Variants in CIAO2A observed in about 807,000 individuals in gnomAD.
The protein encoded by CIAO2A is MIP18 family protein FAM96A.
In CIAO2A, 17 loss-of-function variants were observed where a neutral mutation model predicts 22.4. That is an observed-to-expected ratio of 0.76 (90% CI 0.52 to 1.14). The LOEUF (loss-of-function observed/expected upper bound fraction) is 1.14. Ranked by LOEUF, CIAO2A falls within the 50% of genes most tolerant of loss-of-function variation. CIAO2A has a pLI of 0.00. For missense variants in CIAO2A, 192 were observed against 191.4 expected (o/e 1.00, Z -0.02); for synonymous variants, 74 against 72.3 (o/e 1.02, Z -0.12).
chr15:64,090,017 G>A (rs994584801), intron 1 of CIAO2A, among the ~76,000 whole-genome samples: 8 of 152,144 alleles, frequency 5.3e-5, no homozygotes, highest in African/African-American at 1.9e-4. Flanking sequence ...GTAGAACCTT[G>A]GCTGAACATT....
intron 3 of CIAO2A, among the ~76,000 whole-genome samples, chr15:64,078,355 T>G (rs575177766): frequency 6.6e-6 from 1 of 152,282 alleles, no homozygotes; most frequent in East Asian, 1.9e-4. Context: ...AGCTAGCTGG[T>G]CAGGCATGGT....
At chr15:64,084,167 C>A (rs2080776755) in intron 2 of CIAO2A, among the ~76,000 whole-genome samples, 1 of 152,024 alleles carries the variant, frequency 6.6e-6, no homozygotes, top group Non-Finnish European at 1.5e-5. Flanking sequence ...AATCATGATG[C>A]AATTTGAACT....
intron 4 of CIAO2A, 110 bp from the exon 5 acceptor site, chr15:64,073,138 AACCTGT>A (rs1463219618): frequency 1.4e-6 from 1 of 700,428 alleles, no homozygotes; most frequent in African/African-American, 1.8e-5. Flanking sequence ...TGAGAACTTA[AACCTGT>A]TTTTGGCTAA....
intron 1 of CIAO2A, among the ~76,000 whole-genome samples, chr15:64,091,982 C>A (rs188713798): frequency 1.3e-5 from 2 of 150,770 alleles, no homozygotes; most frequent in Admixed American, 6.6e-5. Context: ...ATGGCTTGAG[C>A]CCTGGAGGTG....
chr15:64,088,290 T>G (rs781070821), intron 2 of CIAO2A, among the ~76,000 whole-genome samples: 5 of 152,118 alleles, frequency 3.3e-5, no homozygotes, highest in Non-Finnish European at 5.9e-5. Flanking sequence ...CCTCCAGAAC[T>G]GAGGAAAAGC....
At chr15:64,086,798 G>A (rs1054585020) in intron 2 of CIAO2A, among the ~76,000 whole-genome samples, 1 of 147,960 alleles carries the variant, frequency 6.8e-6, no homozygotes. Context: ...ATTTTTAGTA[G>A]AGATGGGGTT....
intron 2 of CIAO2A, among the ~76,000 whole-genome samples, chr15:64,086,508 C>A (rs1480535190): frequency 2.0e-5 from 3 of 152,176 alleles, no homozygotes; most frequent in Non-Finnish European, 1.5e-5. Context: ...ACACCCCCTC[C>A]ACAACACCCA....
chr15:64,093,402 T>C (rs2080859310), intron 1 of CIAO2A, among the ~76,000 whole-genome samples: 1 of 152,172 alleles, frequency 6.6e-6, no homozygotes, highest in African/African-American at 2.4e-5. Flanking sequence ...GACCTCTGGG[T>C]TCGGCTTGCC....
chr15:64,075,741 C>G (rs1218100055), intron 3 of CIAO2A, among the ~76,000 whole-genome samples: 5 of 151,232 alleles, frequency 3.3e-5, no homozygotes, highest in Non-Finnish European at 7.4e-5. Context: ...ACCTCCGCCT[C>G]CTGGGTTCAA....
At chr15:64,081,226 G>C (rs1478481843) in intron 2 of CIAO2A, 75 bp from the exon 3 acceptor site, 1 of 1,397,876 alleles carries the variant, frequency 7.2e-7, no homozygotes, top group East Asian at 2.3e-5. Flanking sequence ...ATACAACTGC[G>C]TTTATGTGCC....
chr15:64,078,766 G>A (rs2080739314), intron 3 of CIAO2A, among the ~76,000 whole-genome samples: 1 of 152,074 alleles, frequency 6.6e-6, no homozygotes, highest in Non-Finnish European at 1.5e-5. Context: ...CACGGGGCTG[G>A]GTGCAGTGGC....
At chr15:64,075,714 G>A (rs1378630102) in intron 3 of CIAO2A, among the ~76,000 whole-genome samples, 177 bp from the exon 4 acceptor site, 1 of 149,906 alleles carries the variant, frequency 6.7e-6, no homozygotes, top group African/African-American at 2.5e-5. Context: ...GCAGTGGCAT[G>A]ATCTCGGCTC....
chr15:64,078,639 CAA>C (rs56266808), intron 3 of CIAO2A, among the ~76,000 whole-genome samples: 46,330 of 129,092 alleles, frequency 0.36, 8,101 homozygotes, highest in South Asian at 0.66. Flanking sequence ...CCATCGCAAA[CAA>C]AAAAAAAAAA....
intron 2 of CIAO2A, among the ~76,000 whole-genome samples, chr15:64,083,229 T>C (rs1028592399): frequency 6.6e-6 from 1 of 151,644 alleles, no homozygotes. Context: ...TATTACTATT[T>C]TATACTATTT....
chr15:64,079,079 A>T (rs933199788), intron 3 of CIAO2A, among the ~76,000 whole-genome samples: 1 of 152,084 alleles, frequency 6.6e-6, no homozygotes, highest in African/African-American at 2.4e-5. Flanking sequence ...CAATTCAAAA[A>T]AAGAAATAGC....
chr15:64,082,182 G>C (rs2080763251), intron 2 of CIAO2A, among the ~76,000 whole-genome samples: 1 of 152,144 alleles, frequency 6.6e-6, no homozygotes, highest in African/African-American at 2.4e-5. Flanking sequence ...ACAGGGAAAA[G>C]GATTAGATGA....
chr15:64,083,990 A>G (rs566079364), intron 2 of CIAO2A, among the ~76,000 whole-genome samples: 12 of 152,194 alleles, frequency 7.9e-5, no homozygotes, highest in South Asian at 2.1e-4. Context: ...TAAAAAGCCA[A>G]TGGTCTTAGC....
intron 3 of CIAO2A, among the ~76,000 whole-genome samples, chr15:64,080,458 G>A (rs1158375339): frequency 6.6e-6 from 1 of 151,520 alleles, no homozygotes; most frequent in Non-Finnish European, 1.5e-5. Context: ...CGAGGCGGGT[G>A]GATCATGAGG....
At chr15:64,087,084 CTTTTTTTTTT>C (rs766247330) in intron 2 of CIAO2A, among the ~76,000 whole-genome samples, 9 of 76,078 alleles carry the variant, frequency 1.2e-4, no homozygotes, top group Non-Finnish European at 1.7e-4. Flanking sequence ...GCTAATTTTG[CTTTTTTTTTT>C]TTTTTTTTTT....
Sources: gnomAD v4.1 joint callset for allele counts (sites outside exome capture counted in the v4.1 genomes callset) on GRCh38, gnomAD v4.1.1 for gene constraint, MANE v1.5 for transcripts, NCBI Gene and HGNC (gene_info 2026-07-23, HGNC 2026-07-21) for gene names.